The following C1orf198 variants were observed in gnomAD, a reference collection of about 807,000 sequenced individuals.
C1orf198 encodes the protein uncharacterized protein C1orf198.
Under a neutral mutation model 31.4 loss-of-function variants are expected in C1orf198, and 17 were observed. The observed-to-expected ratio is 0.54, with a 90% confidence interval of 0.37 to 0.81. The LOEUF (loss-of-function observed/expected upper bound fraction) is 0.81, where lower values mean the gene tolerates loss of function less well. Among genes scored for constraint, C1orf198 ranks in the 40% least tolerant of loss-of-function variants. The pLI is 0.00. For synonymous variants in C1orf198, 175 were observed against 193.8 expected, an observed-to-expected ratio of 0.90 and a Z score of 0.81; for missense variants, 401 against 450.3, an observed-to-expected ratio of 0.89 and a Z score of 0.99.
chr1:230,867,820 A>G (rs1670155770), intron 1 of C1orf198, among the ~76,000 whole-genome samples: 1 of 152,250 alleles, frequency 6.6e-6, no homozygotes, highest in South Asian at 2.1e-4. Context: ...AGTAAGTAGC[A>G]GAGCTGGATT....
intron 1 of C1orf198, chr1:230,856,051 G>T: frequency 9.9e-7 from 1 of 1,007,204 alleles, no homozygotes; most frequent in Non-Finnish European, 1.2e-6. Flanking sequence ...CACAGACTCA[G>T]CCCTGAACAA....
At position 230,837,617 on chromosome 1, in the gene C1orf198, T is replaced by A. The variant is rs1408556312; in HGVS notation, c.*2235A>T. Reference sequence around the variant, plus strand: ...ATCTTCGCATAGACTTTGCCCAAGGTGTAGAGGAAGATCTGCCGGTCAGGC... The same window carrying A: ...ATCTTCGCATAGACTTTGCCCAAGGAGTAGAGGAAGATCTGCCGGTCAGGC... On this transcript the variant is annotated 3_prime_UTR_variant, in exon 4 of 4. Coordinates refer to ENST00000366663, the MANE Select transcript of C1orf198 (RefSeq NM_032800.3). 6.6e-6 allele frequency: 1 copy of A among 152,100 alleles called. No individual in the cohort carries two copies. Among genetic ancestry groups the A allele is most frequent in the Non-Finnish European group, 1.5e-5 (1 of 68,020 alleles). The allele number at this position is 152,100 out of a possible 1,614,324, so 9.4% of individuals were successfully genotyped here. A position where few individuals can be genotyped will look rare whatever the true frequency, so the allele number is the denominator to read the frequency against.
intron 1 of C1orf198, among the ~76,000 whole-genome samples, chr1:230,865,628 C>A (rs1003111572): frequency 3.3e-5 from 5 of 152,216 alleles, no homozygotes; most frequent in Admixed American, 6.5e-5. Context: ...AGGCAAGGGG[C>A]CATCTGGGCC....
At position 230,840,237 on chromosome 1, in the gene C1orf198, T is replaced by C. The variant is rs1040778065; in HGVS notation, c.928-329A>G. On this transcript the variant is annotated intron_variant, in intron 3 of 3. Coordinates refer to ENST00000366663, the MANE Select transcript of C1orf198 (RefSeq NM_032800.3). This position sits in a 1 kb window ranked among gnomAD's most constrained non-coding sequence, Gnocchi z 4.0. ...TCTGAATGACAGCCATGTTTAAATT[T>C]ATTCATCCTAAATAAGAGAACAAAT... 6.6e-6 allele frequency among the ~76,000 whole-genome samples: 1 copy of C among 152,220 alleles called. No homozygotes were observed. Among genetic ancestry groups the C allele is most frequent in the Non-Finnish European group, 1.5e-5 (1 of 68,038 alleles).
At chr1:230,866,976 C>T (rs1242130006) in intron 1 of C1orf198, among the ~76,000 whole-genome samples, 1 of 152,178 alleles carries the variant, frequency 6.6e-6, no homozygotes, top group Non-Finnish European at 1.5e-5. Flanking sequence ...ACTTTTCCCT[C>T]ACATTAAAGT....
chr1:230,837,752 T>C lies in C1orf198; in HGVS notation c.*2100A>G, dbSNP rs563072505. On this transcript the variant is annotated 3_prime_UTR_variant, in exon 4 of 4. Transcript: ENST00000366663. ...CCCTCCAAGATTTCCTAATTTTTGATTTTACATTTAATCTCAGGAGGCTAT... is the reference window on the plus strand; with the variant it reads ...CCCTCCAAGATTTCCTAATTTTTGACTTTACATTTAATCTCAGGAGGCTAT... 1 of 152,304 alleles carries C rather than the reference T, an allele frequency of 6.6e-6. No individual in the cohort carries two copies. The highest frequency in any genetic ancestry group is 2.1e-4 in the South Asian group (1 of 4,824). The allele number at this position is 152,304 out of a possible 1,614,324, so 9.4% of individuals were successfully genotyped here. A position where few individuals can be genotyped will look rare whatever the true frequency, so the allele number is the denominator to read the frequency against.
upstream of C1orf198, chr1:230,868,987 C>T (rs1304526126): frequency 6.6e-6 from 1 of 152,388 alleles, no homozygotes; most frequent in Non-Finnish European, 1.5e-5. Flanking sequence ...GGCCAAGCCG[C>T]TGGCTGCCTG....
Position 230,854,511 on chromosome 1 carries a change from A to ACCCGT in C1orf198, c.384+1156_384+1157insACGGG, listed in dbSNP as rs1558140291. Among the ~76,000 whole-genome samples, 3 of 152,056 alleles carry ACCCGT rather than the reference A, an allele frequency of 2.0e-5. No individual in the cohort carries two copies. In the East Asian group the frequency reaches 5.8e-4, roughly 29 times the overall value. On this transcript the variant is annotated intron_variant, in intron 2 of 3. Transcript: ENST00000366663. ...CCAAGACAGTGCTGGTCACCCCTGC[A>ACCCGT]ACCCGTACCCGATCCCTAGGGAGAC...
At chr1:230,858,114 T>G (rs1014266246) in intron 1 of C1orf198, among the ~76,000 whole-genome samples, 1 of 152,318 alleles carries the variant, frequency 6.6e-6, no homozygotes, top group South Asian at 2.1e-4. Context: ...CCTGGAGGAA[T>G]GTGAGTTACC....
At chr1:230,860,834 C>T (rs1669989473) in intron 1 of C1orf198, among the ~76,000 whole-genome samples, 1 of 152,260 alleles carries the variant, frequency 6.6e-6, no homozygotes, top group African/African-American at 2.4e-5. Context: ...TGAGACTGTA[C>T]TAAATGCCTC....
At chr1:230,858,948 T>C (rs1669941784) in intron 1 of C1orf198, among the ~76,000 whole-genome samples, 1 of 152,166 alleles carries the variant, frequency 6.6e-6, no homozygotes, top group Non-Finnish European at 1.5e-5. Flanking sequence ...AGGGTCACAC[T>C]GTGATTTCTC....
chr1:230,863,954 CT>C (rs771918996), intron 1 of C1orf198, among the ~76,000 whole-genome samples: 18 of 151,922 alleles, frequency 1.2e-4, no homozygotes, highest in African/African-American at 3.1e-4. Flanking sequence ...TTTCTTTTTC[CT>C]TTTTTTTATT....
intron 1 of C1orf198, among the ~76,000 whole-genome samples, chr1:230,861,360 A>G (rs1295426357): frequency 2.6e-5 from 4 of 152,200 alleles, no homozygotes; most frequent in Non-Finnish European, 4.4e-5. Context: ...GCTGGAACCT[A>G]AAACTACTGT....
At chr1:230,861,758 C>T (rs145823853) in intron 1 of C1orf198, among the ~76,000 whole-genome samples, 1,936 of 152,314 alleles carry the variant, frequency 0.013, 122 homozygotes, top group Admixed American at 0.086. Context: ...AGCATGGGGG[C>T]TCCCTTAGGG....
intron 2 of C1orf198, among the ~76,000 whole-genome samples, chr1:230,844,446 G>C (rs1669533945): frequency 6.6e-6 from 1 of 152,078 alleles, no homozygotes; most frequent in South Asian, 2.1e-4. Flanking sequence ...TGTTTCCTGT[G>C]CAGCCCGCAG....
intron 1 of C1orf198, among the ~76,000 whole-genome samples, chr1:230,858,700 G>C (rs1209792242): frequency 7.2e-5 from 11 of 152,212 alleles, no homozygotes; most frequent in Admixed American, 7.2e-4. Flanking sequence ...GACTGGCCAG[G>C]GTGGGGCATG....
At chr1:230,842,392 C>T (rs761739947) in intron 3 of C1orf198, among the ~76,000 whole-genome samples, 26 of 152,182 alleles carry the variant, frequency 1.7e-4, no homozygotes, top group African/African-American at 4.3e-4. Flanking sequence ...TATATATATA[C>T]GATGGAATAC....
At chr1:230,841,907 G>A (rs1364972934) in intron 3 of C1orf198, among the ~76,000 whole-genome samples, 5 of 152,186 alleles carry the variant, frequency 3.3e-5, no homozygotes, top group Non-Finnish European at 7.3e-5. Flanking sequence ...GTCGATGGAT[G>A]AGTGGATACA....
chr1:230,851,433 T>C (rs920036630), intron 2 of C1orf198, among the ~76,000 whole-genome samples: 1 of 152,174 alleles, frequency 6.6e-6, no homozygotes. Flanking sequence ...CATTTTCTCC[T>C]CTGAATTCTC....
Sources: gnomAD v4.1 joint callset for allele counts (sites outside exome capture counted in the v4.1 genomes callset) on GRCh38, gnomAD v4.1.1 for gene constraint, Gnocchi (gnomAD v3.1) non-coding constraint, MANE v1.5 for transcripts, NCBI Gene and HGNC (gene_info 2026-07-23, HGNC 2026-07-21) for gene names.